The following SLC27A6 variants were observed in gnomAD, a reference collection of about 807,000 sequenced individuals.
The protein encoded by SLC27A6 is long-chain fatty acid transport protein 6.
In SLC27A6, 74 loss-of-function variants were observed where a neutral mutation model predicts 63.9. That is an observed-to-expected ratio of 1.16 (90% CI 0.96 to 1.40). The LOEUF is 1.40. SLC27A6 is among the 40% of genes most tolerant of loss of function. The pLI, the probability that SLC27A6 is intolerant of heterozygous loss-of-function variation, is 0.00. For synonymous variants in SLC27A6, 287 were observed against 260.8 expected, an observed-to-expected ratio of 1.10 and a Z score of -0.97; for missense variants, 794 against 732.9, an observed-to-expected ratio of 1.08 and a Z score of -0.96.
At chr5:128,973,860 G>A (rs2577435) in intron 1 of SLC27A6, among the ~76,000 whole-genome samples, 36,672 of 152,138 alleles carry the variant, frequency 0.24, 4,967 homozygotes, top group Middle Eastern at 0.33. Flanking sequence ...CGTCGCTCAC[G>A]CTAGGAGCTA....
intron 1 of SLC27A6, among the ~76,000 whole-genome samples, chr5:128,972,555 A>G (rs116455179): frequency 0.086 from 13,107 of 152,174 alleles, 884 homozygotes; most frequent in East Asian, 0.23. Context: ...CACTTAATCA[A>G]ATTGGCTACT....
intron 8 of SLC27A6, 50 bp from the exon 9 acceptor site, chr5:129,029,527 T>C (rs1209261993): frequency 7.7e-7 from 1 of 1,304,866 alleles, no homozygotes; most frequent in South Asian, 1.4e-5. Context: ...AATTATCTTT[T>C]AAAGTTTATT....
At chr5:128,997,471 A>G (rs1751197618) in intron 4 of SLC27A6, among the ~76,000 whole-genome samples, 1 of 152,208 alleles carries the variant, frequency 6.6e-6, no homozygotes. Context: ...CTGTAAATGT[A>G]GAAATACAAG....
intron 1 of SLC27A6, among the ~76,000 whole-genome samples, chr5:128,975,322 G>A (rs1402097764): frequency 6.6e-6 from 1 of 152,226 alleles, no homozygotes; most frequent in African/African-American, 2.4e-5. Flanking sequence ...CTACACTCCG[G>A]TCTGGGGAAT....
intron 4 of SLC27A6, among the ~76,000 whole-genome samples, chr5:129,000,573 A>C (rs1179278929): frequency 6.6e-6 from 1 of 152,128 alleles, no homozygotes; most frequent in African/African-American, 2.4e-5. Flanking sequence ...GATAAATCAA[A>C]GTTTCTATCG....
intron 4 of SLC27A6, among the ~76,000 whole-genome samples, chr5:129,004,826 A>G (rs972633894): frequency 6.6e-6 from 1 of 152,188 alleles, no homozygotes; most frequent in African/African-American, 2.4e-5. Flanking sequence ...TCAGGCCCTC[A>G]TCTCTATGTC....
intron 4 of SLC27A6, among the ~76,000 whole-genome samples, chr5:128,993,862 C>T (rs1580720192): frequency 7.5e-6 from 1 of 133,796 alleles, no homozygotes; most frequent in African/African-American, 2.7e-5. Flanking sequence ...AATCCCAGCA[C>T]TTTGGGAGGC....
intron 4 of SLC27A6, among the ~76,000 whole-genome samples, chr5:129,012,371 T>C (rs1751755206): frequency 6.6e-6 from 1 of 152,028 alleles, no homozygotes; most frequent in Non-Finnish European, 1.5e-5. Flanking sequence ...AGACTTGCTG[T>C]AAGACTCAAC....
At chr5:129,015,833 GAA>G (rs1363477039) in intron 4 of SLC27A6, 50 bp from the exon 5 acceptor site, 9 of 1,245,282 alleles carry the variant, frequency 7.2e-6, no homozygotes, top group Non-Finnish European at 1.0e-5. Context: ...TAATAATAAA[GAA>G]AGAATTAGAA....
At chr5:128,991,006 G>C (rs1460519900) in intron 4 of SLC27A6, among the ~76,000 whole-genome samples, 15 of 152,244 alleles carry the variant, frequency 9.9e-5, no homozygotes, top group Middle Eastern at 3.2e-3. Flanking sequence ...ACACAGACCA[G>C]AAGAGTATGC....
At chr5:129,012,203 T>A (rs1436483346) in intron 4 of SLC27A6, among the ~76,000 whole-genome samples, 1 of 151,808 alleles carries the variant, frequency 6.6e-6, no homozygotes, top group Non-Finnish European at 1.5e-5. Context: ...TCATTGTAAT[T>A]TTTTTTTCTT....
chr5:128,974,798 TA>T (rs752772669), intron 1 of SLC27A6, among the ~76,000 whole-genome samples: 13 of 152,198 alleles, frequency 8.5e-5, no homozygotes, highest in Non-Finnish European at 1.5e-4. Context: ...AACTTAGTTG[TA>T]AAATGGTGAT....
intron 9 of SLC27A6, among the ~76,000 whole-genome samples, chr5:129,032,456 A>G (rs80184965): frequency 8.5e-4 from 129 of 152,094 alleles, no homozygotes; most frequent in African/African-American, 3.0e-3. Context: ...CAAAAACCCA[A>G]TTTTGCAAAG....
In SLC27A6 at chr5:129,015,388, A is replaced by G. The variant is rs114207506; in HGVS notation, c.970-497A>G. Among the ~76,000 whole-genome samples, 1,021 of 152,342 alleles carry G rather than the reference A, an allele frequency of 6.7e-3. 8 individuals carry two copies. Among genetic ancestry groups the G allele is most frequent in the Non-Finnish European group, 0.011 (760 of 68,026 alleles). ...ATGGCCTCAAATTGTCGTTTACTCT[A>G]TGTTAAGCACTGCGTATTAACTATA... On this transcript the variant is annotated intron_variant, in intron 4 of 9. Transcript: ENST00000262462.
chr5:128,986,865 C>T (rs950375558), intron 2 of SLC27A6, among the ~76,000 whole-genome samples: 1 of 152,154 alleles, frequency 6.6e-6, no homozygotes, highest in Non-Finnish European at 1.5e-5. Context: ...TATGGTGAAG[C>T]CTTGAAGAAA....
At chr5:129,007,889 A>C (rs1333814450) in intron 4 of SLC27A6, among the ~76,000 whole-genome samples, 1 of 152,134 alleles carries the variant, frequency 6.6e-6, no homozygotes, top group African/African-American at 2.4e-5. Flanking sequence ...AAATTGTGGT[A>C]TAATTATATG....
intron 4 of SLC27A6, among the ~76,000 whole-genome samples, chr5:129,002,084 TA>T (rs1419866011): frequency 1.3e-5 from 2 of 152,188 alleles, no homozygotes; most frequent in Non-Finnish European, 2.9e-5. Context: ...TCCTGAAAGC[TA>T]GAGGGAAATA....
At chr5:129,013,175 A>G (rs1751780936) in intron 4 of SLC27A6, among the ~76,000 whole-genome samples, 1 of 152,018 alleles carries the variant, frequency 6.6e-6, no homozygotes, top group African/African-American at 2.4e-5. Context: ...ACCACATTCT[A>G]TCTTCAAATA....
At position 128,971,897 on chromosome 5, in the gene SLC27A6, G is replaced by A. The variant is rs556815662; in HGVS notation, c.481+5279G>A. Reference sequence around the variant, plus strand: ...ATTTGGCATGTTTTAGCAGTGGCTGGTACTGGTTGTTCCTTTCCACATTTA... The same window carrying A: ...ATTTGGCATGTTTTAGCAGTGGCTGATACTGGTTGTTCCTTTCCACATTTA... On this transcript the variant is annotated intron_variant, in intron 1 of 9. Transcript: ENST00000262462. Among the ~76,000 whole-genome samples, 4 of 152,256 alleles carry A rather than the reference G, an allele frequency of 2.6e-5. No homozygotes were observed. In the South Asian group the frequency reaches 6.2e-4, roughly 24 times the overall value.
Sources: gnomAD v4.1 joint callset for allele counts (sites outside exome capture counted in the v4.1 genomes callset) on GRCh38, gnomAD v4.1.1 for gene constraint, MANE v1.5 for transcripts, NCBI Gene and HGNC (gene_info 2026-07-23, HGNC 2026-07-21) for gene names.